The following ZFP64 variants were observed in gnomAD, a reference collection of about 807,000 sequenced individuals.
The protein encoded by ZFP64 is ZFP64 zinc finger protein.
In ZFP64, 14 loss-of-function variants were observed where a neutral mutation model predicts 51.6. The observed-to-expected ratio is 0.27, with a 90% CI of 0.18 to 0.42. The LOEUF (loss-of-function observed/expected upper bound fraction) is 0.42. Among genes scored for constraint, ZFP64 ranks in the 10% least tolerant of loss-of-function variants. ZFP64 has a pLI of 1.00. For synonymous variants in ZFP64, 375 were observed against 361.4 expected (o/e 1.04, Z -0.43); for missense variants, 754 against 906.8 (o/e 0.83, Z 2.16).
At position 52,175,115 on chromosome 20, in the gene ZFP64, CTTTTG is replaced by C. The variant is rs547789188; in HGVS notation, c.287-9095_287-9091del. On this transcript the variant is annotated intron_variant, in intron 2 of 5. Transcript: ENST00000216923. ...GCTTTTTGCAGATTAAGGATACTATCTTTTGTTTTGTTTTGTTTTGTTTTTGAGAC... is the reference window on the plus strand; with the variant it reads ...GCTTTTTGCAGATTAAGGATACTATCTTTTGTTTTGTTTTGTTTTTGAGAC... Among the ~76,000 whole-genome samples the C allele has an allele frequency of 4.6e-4, 70 of 151,972 alleles. 1 individual carries two copies. Among genetic ancestry groups the C allele is most frequent in the Admixed American group, 2.6e-3 (40 of 15,250 alleles).
chr20:52,112,318 A>G (rs1196871000), intron 5 of ZFP64, among the ~76,000 whole-genome samples: 1 of 152,152 alleles, frequency 6.6e-6, no homozygotes, highest in East Asian at 1.9e-4. Flanking sequence ...TAATGGAGTA[A>G]GAGTTATAGT....
intron 5 of ZFP64, chr20:52,105,443 C>G (rs917378056): frequency 3.6e-6 from 4 of 1,114,106 alleles, no homozygotes; most frequent in African/African-American, 3.2e-5. Context: ...ACTTGCGGTC[C>G]GCTCCCGGGC....
chr20:52,110,649 G>A, intron 5 of ZFP64: 6 of 1,249,274 alleles, frequency 4.8e-6, no homozygotes, highest in Non-Finnish European at 6.7e-6. Flanking sequence ...GTCCTATGCA[G>A]CTGGCCACCA....
intron 1 of ZFP64, among the ~76,000 whole-genome samples, chr20:52,190,815 T>C (rs559410164): frequency 2.4e-4 from 37 of 152,278 alleles, no homozygotes; most frequent in African/African-American, 8.9e-4. Flanking sequence ...CCCTGGTAGA[T>C]GGGTTCTCAA....
intron 2 of ZFP64, among the ~76,000 whole-genome samples, chr20:52,173,258 T>G (rs1982899853): frequency 6.6e-6 from 1 of 152,214 alleles, no homozygotes; most frequent in African/African-American, 2.4e-5. Context: ...AACATGAATT[T>G]TAGGATTTTC....
chr20:52,094,662 G>A (rs1038481345), intron 7 of ZFP64, among the ~76,000 whole-genome samples: 2 of 152,152 alleles, frequency 1.3e-5, no homozygotes, highest in East Asian at 1.9e-4. Flanking sequence ...AAGAAGCAGA[G>A]GCATGAGGAT....
chr20:52,123,998 T>C (rs968282280), intron 5 of ZFP64, among the ~76,000 whole-genome samples: 1 of 151,958 alleles, frequency 6.6e-6, no homozygotes, highest in African/African-American at 2.4e-5. Context: ...GCCTCCCGAC[T>C]AGCTGGGACT....
At chr20:52,184,101 C>A (rs774492098) in intron 2 of ZFP64, among the ~76,000 whole-genome samples, 4 of 152,170 alleles carry the variant, frequency 2.6e-5, no homozygotes, top group African/African-American at 4.8e-5. Context: ...CCGCCTCGGT[C>A]TCCCAAAGTG....
In ZFP64 at chr20:52,122,989, T is replaced by C. The variant is rs182533000; in HGVS notation, c.764-24402A>G. The stretch of plus-strand genomic sequence containing the variant: ...AAAGTAGCAGCAGGGTTTGAGGGGA[T>C]TGACTCTTTTTTTTTTCAGACAGAG... On this transcript the variant is annotated intron_variant, in intron 5 of 8. Coordinates refer to the ZFP64 transcript ENST00000361387. Among the ~76,000 whole-genome samples the C allele has an allele frequency of 4.9e-5, 6 of 123,366 alleles. No homozygotes were observed. The East Asian group carries it at 9.9e-4, about 20-fold the overall frequency. 80.9% of individuals were successfully genotyped at this position (123,366 alleles called of 152,430 possible). A position where few individuals can be genotyped will look rare whatever the true frequency, so the allele number is the denominator to read the frequency against.
intron 7 of ZFP64, among the ~76,000 whole-genome samples, chr20:52,094,848 T>G (rs548221638): frequency 7.2e-5 from 11 of 152,204 alleles, no homozygotes; most frequent in Non-Finnish European, 1.3e-4. Flanking sequence ...TTTCTGAGCT[T>G]GGTTTTAACT....
At chr20:52,147,352 C>T (rs992908866), downstream of ZFP64, among the ~76,000 whole-genome samples, 3 of 151,966 alleles carry the variant, frequency 2.0e-5, no homozygotes, top group Non-Finnish European at 4.4e-5. Flanking sequence ...GACCTAAGTA[C>T]CATAAAAACC....
At chr20:52,084,281 G>C (rs560305907) in exon 9 of ZFP64, 2 of 470,742 alleles carry the variant, frequency 4.2e-6, no homozygotes, top group African/African-American at 3.9e-5. Flanking sequence ...CCATTGGATA[G>C]AGCAGGGCTT....
chr20:52,164,436 T>C (rs938269295), intron 4 of ZFP64, among the ~76,000 whole-genome samples: 27 of 152,220 alleles, frequency 1.8e-4, no homozygotes, highest in African/African-American at 6.5e-4. Flanking sequence ...AGAATCATTT[T>C]CAAAATGGCT....
chr20:52,110,398 G>A, intron 5 of ZFP64: 1 of 563,824 alleles, frequency 1.8e-6, no homozygotes, highest in Non-Finnish European at 3.2e-6. Context: ...GGATGTTTAA[G>A]CTCTTCTGGA....
chr20:52,106,226 T>G (rs1299198568), intron 5 of ZFP64, among the ~76,000 whole-genome samples: 3 of 152,186 alleles, frequency 2.0e-5, no homozygotes, highest in Non-Finnish European at 2.9e-5. Context: ...TCAGACTGGC[T>G]GGGACCTCGA....
chr20:52,163,969 A>T (rs1432754933), intron 4 of ZFP64, among the ~76,000 whole-genome samples: 1 of 152,224 alleles, frequency 6.6e-6, no homozygotes, highest in Admixed American at 6.5e-5. Flanking sequence ...AAATTACAAA[A>T]ATAACACACA....
intron 4 of ZFP64, among the ~76,000 whole-genome samples, chr20:52,163,488 C>A (rs1460419171): frequency 1.3e-5 from 2 of 152,184 alleles, no homozygotes; most frequent in Admixed American, 6.5e-5. Context: ...TTGCTTATTA[C>A]ACTAGAACGC....
Position 52,168,738 on chromosome 20 carries a change from G to A in ZFP64, c.287-2713C>T, listed in dbSNP as rs144132176. Among the ~76,000 whole-genome samples, 673 of 152,230 alleles carry A rather than the reference G, an allele frequency of 4.4e-3. 10 individuals are homozygous for A. The highest frequency in any genetic ancestry group is 0.015 in the African/African-American group (638 of 41,532). ...CTGAAGATTTGCTTCATTAATATCA[G>A]ATTTACCCCGTTACGGTTTTCAGGC... On this transcript the variant is annotated intron_variant, in intron 2 of 5. Coordinates refer to ENST00000216923, the MANE Select transcript of ZFP64 (RefSeq NM_018197.3).
At chr20:52,091,118 C>G (rs1203323016) in intron 7 of ZFP64, among the ~76,000 whole-genome samples, 1 of 151,872 alleles carries the variant, frequency 6.6e-6, no homozygotes, top group Non-Finnish European at 1.5e-5. Context: ...CCAAACAGCA[C>G]AAAATAAAAA....
Sources: allele counts gnomAD v4.1 joint callset (sites outside exome capture counted in the v4.1 genomes callset), GRCh38; gene constraint gnomAD v4.1.1; transcripts MANE v1.5; gene names NCBI Gene and HGNC (gene_info 2026-07-23, HGNC 2026-07-21).